The following DOK6 variants were observed in gnomAD, a reference collection of about 807,000 sequenced individuals.
DOK6 encodes downstream of tyrosine kinase 6.
DOK6 carries 22 observed loss-of-function variants against 44.0 expected under a neutral mutation model. The ratio of observed to expected loss-of-function variants is 0.50; its 90% CI spans 0.36 to 0.71. The LOEUF is 0.71. DOK6 is among the 30% of genes least tolerant of loss of function. DOK6 has a pLI of 0.00. For missense variants in DOK6, 340 were observed against 416.4 expected (o/e 0.82, Z 1.60); for synonymous variants, 166 against 145.5 (o/e 1.14, Z -1.01).
chr18:69,849,005 A>T lies in DOK6; in HGVS notation c.*7622A>T, dbSNP rs1368042720. On this transcript the variant is annotated 3_prime_UTR_variant, in exon 8 of 8. Transcript: ENST00000382713. ...AAATTCTGACAATCATATTCTGCTAATGTTTAAAATGTTACTTATTCCTTC... is the reference window on the plus strand; with the variant it reads ...AAATTCTGACAATCATATTCTGCTATTGTTTAAAATGTTACTTATTCCTTC... The T allele has an allele frequency of 6.6e-6, 1 of 152,222 alleles. No individual in the cohort carries two copies. The highest frequency in any genetic ancestry group is 6.5e-5 in the Admixed American group (1 of 15,286). The allele number at this position is 152,222 out of a possible 1,614,324, so 9.4% of individuals were successfully genotyped here.
chr18:69,486,606 T>G (rs1248631235), intron 1 of DOK6, among the ~76,000 whole-genome samples: 2 of 152,204 alleles, frequency 1.3e-5, no homozygotes, highest in Non-Finnish European at 2.9e-5. Flanking sequence ...TGCCAGTGGC[T>G]GAACCCACAT....
intron 1 of DOK6, among the ~76,000 whole-genome samples, chr18:69,473,362 A>G (rs1980169725): frequency 6.6e-6 from 1 of 152,236 alleles, no homozygotes; most frequent in Non-Finnish European, 1.5e-5. Flanking sequence ...TTTTAAGTGA[A>G]AACTTAAATA....
chr18:69,610,325 C>G (rs563969336), intron 3 of DOK6, among the ~76,000 whole-genome samples: 1 of 152,076 alleles, frequency 6.6e-6, no homozygotes, highest in Non-Finnish European at 1.5e-5. Context: ...AATAAACATG[C>G]GTACCCTTGA....
At chr18:69,514,966 C>T (rs1191297741) in intron 1 of DOK6, among the ~76,000 whole-genome samples, 2 of 151,902 alleles carry the variant, frequency 1.3e-5, no homozygotes, top group African/African-American at 4.8e-5. Context: ...AATCAGATGA[C>T]ACAGTGGACA....
intron 3 of DOK6, among the ~76,000 whole-genome samples, chr18:69,667,516 T>C (rs1985691036): frequency 6.6e-6 from 1 of 152,182 alleles, no homozygotes; most frequent in East Asian, 1.9e-4. Flanking sequence ...ACAAAAACTT[T>C]CTAACAAAAC....
intron 1 of DOK6, among the ~76,000 whole-genome samples, chr18:69,491,818 A>G (rs370429536): frequency 5.9e-5 from 9 of 152,364 alleles, no homozygotes; most frequent in African/African-American, 2.2e-4. Flanking sequence ...GTTTCTGAAC[A>G]TGCTGTCTAT....
intron 3 of DOK6, among the ~76,000 whole-genome samples, chr18:69,643,972 T>A (rs2144656479): frequency 6.6e-6 from 1 of 152,320 alleles, no homozygotes; most frequent in African/African-American, 2.4e-5. Flanking sequence ...CATTTCATTT[T>A]TGACTTAGCT....
rs1160132504 is a variant in DOK6, at chr18:69,848,186, ATG to A, written c.*6807_*6808del. On this transcript the variant is annotated 3_prime_UTR_variant, in exon 8 of 8. Transcript: ENST00000382713. ...ATGAATCTCTAAAATATATTAAATA[ATG>A]TGTTATATATTTGCTTTTTGTAAAT... 1 of 152,094 alleles carries A rather than the reference ATG, an allele frequency of 6.6e-6. No individual in the cohort carries two copies. The highest frequency in any genetic ancestry group is 2.4e-5 in the African/African-American group (1 of 41,402). 9.4% of individuals were successfully genotyped at this position (152,094 alleles called of 1,614,324 possible).
chr18:69,796,890 G>A (rs970440611), intron 7 of DOK6, among the ~76,000 whole-genome samples: 1 of 152,090 alleles, frequency 6.6e-6, no homozygotes, highest in Non-Finnish European at 1.5e-5. Flanking sequence ...TGAAAAGAGG[G>A]TAAAGTTTAG....
At chr18:69,520,404 G>A (rs906908115) in intron 1 of DOK6, among the ~76,000 whole-genome samples, 2 of 151,666 alleles carry the variant, frequency 1.3e-5, no homozygotes, top group Non-Finnish European at 3.0e-5. Context: ...CAGTGTGTAT[G>A]TTTTTTTATC....
intron 5 of DOK6, among the ~76,000 whole-genome samples, chr18:69,717,017 C>G (rs530734645): frequency 6.6e-6 from 1 of 152,156 alleles, no homozygotes; most frequent in East Asian, 1.9e-4. Context: ...GGAGTTTATT[C>G]TTTTTTATTG....
At chr18:69,674,447 G>A (rs937206003) in intron 3 of DOK6, among the ~76,000 whole-genome samples, 8 of 152,086 alleles carry the variant, frequency 5.3e-5, no homozygotes, top group African/African-American at 1.9e-4. Flanking sequence ...GTTACAGGAT[G>A]TCACTCTTGC....
In DOK6 at chr18:69,847,245, A is replaced by C. The variant is rs1435382809; in HGVS notation, c.*5862A>C. Reference sequence around the variant, plus strand: ...ATCATTATTTTGGGCCCATGTTAGCAGTTGAAACAATTAAGTTCCTCACTC... The same window carrying C: ...ATCATTATTTTGGGCCCATGTTAGCCGTTGAAACAATTAAGTTCCTCACTC... On this transcript the variant is annotated 3_prime_UTR_variant, in exon 8 of 8. Coordinates refer to ENST00000382713, the MANE Select transcript of DOK6 (RefSeq NM_152721.6). The C allele has an allele frequency of 2.0e-5, 3 of 152,178 alleles. No homozygotes were observed. The highest frequency in any genetic ancestry group is 4.4e-5 in the Non-Finnish European group (3 of 68,042). The allele number at this position is 152,178 out of a possible 1,614,324, so 9.4% of individuals were successfully genotyped here.
At chr18:69,730,268 T>A (rs976466374) in intron 5 of DOK6, among the ~76,000 whole-genome samples, 2 of 152,342 alleles carry the variant, frequency 1.3e-5, no homozygotes, top group African/African-American at 4.8e-5. Context: ...TATTCTAAGT[T>A]TTATTTTCCT....
At chr18:69,505,946 A>G (rs1301543568) in intron 1 of DOK6, among the ~76,000 whole-genome samples, 3 of 152,030 alleles carry the variant, frequency 2.0e-5, no homozygotes, top group South Asian at 4.1e-4. Context: ...ACTTACCCAT[A>G]TGCTTTTTTT....
At chr18:69,589,417 G>A (rs918595378) in intron 2 of DOK6, among the ~76,000 whole-genome samples, 1 of 151,834 alleles carries the variant, frequency 6.6e-6, no homozygotes, top group African/African-American at 2.4e-5. Flanking sequence ...TTATTAGTAA[G>A]ATTAGTATGA....
At chr18:69,429,831 TA>T (rs1393131082) in intron 1 of DOK6, among the ~76,000 whole-genome samples, 13 of 151,852 alleles carry the variant, frequency 8.6e-5, no homozygotes, top group African/African-American at 3.1e-4. Context: ...AGATGCACAG[TA>T]TAAGATTCAT....
chr18:69,844,725 A>G lies in DOK6; in HGVS notation c.*3342A>G, dbSNP rs1191119332. 1.3e-5 allele frequency: 2 copies of G among 152,210 alleles called. No individual in the cohort carries two copies. Among genetic ancestry groups the G allele is most frequent in the African/African-American group, 4.8e-5 (2 of 41,458 alleles). The allele number at this position is 152,210 out of a possible 1,614,324, so 9.4% of individuals were successfully genotyped here. A position where few individuals can be genotyped will look rare whatever the true frequency, so the allele number is the denominator to read the frequency against. Reference sequence around the variant, plus strand: ...TTGAAATCAATAAAATAAGAAATATATATTTATATATGAGGGAAGATGCTG... The same window carrying G: ...TTGAAATCAATAAAATAAGAAATATGTATTTATATATGAGGGAAGATGCTG... On this transcript the variant is annotated 3_prime_UTR_variant, in exon 8 of 8. Transcript: ENST00000382713.
At chr18:69,632,664 A>T (rs530529521) in intron 3 of DOK6, among the ~76,000 whole-genome samples, 39 of 152,196 alleles carry the variant, frequency 2.6e-4, no homozygotes, top group Non-Finnish European at 5.3e-4. Context: ...AAGTCTCCCG[A>T]GGTATATTTC....
Sources: allele counts gnomAD v4.1 joint callset (sites outside exome capture counted in the v4.1 genomes callset), GRCh38; gene constraint gnomAD v4.1.1; transcripts MANE v1.5; gene names NCBI Gene and HGNC (gene_info 2026-07-23, HGNC 2026-07-21).